TRIM46: variants seen among roughly 807,000 people sequenced by gnomAD.
TRIM46 encodes tripartite motif containing 46.
Under a neutral mutation model 69.7 loss-of-function variants are expected in TRIM46, and 17 were observed. The ratio of observed to expected loss-of-function variants is 0.24; its 90% CI spans 0.17 to 0.37. The LOEUF is 0.37. Ranked by LOEUF, TRIM46 falls within the 10% of genes least tolerant of loss-of-function variation. TRIM46 has a pLI of 1.00. For synonymous variants in TRIM46, 391 were observed against 429.0 expected (o/e 0.91, Z 1.09); for missense variants, 675 against 1,025.1 (o/e 0.66, Z 4.66).
In TRIM46 at chr1:155,178,934, C is replaced by T. The variant is rs1278853734; in HGVS notation, c.1285+321C>T. The T allele has an allele frequency of 6.0e-6, 6 of 994,894 alleles. No homozygotes were observed. The African/African-American group carries it at 6.6e-5, about 11-fold the overall frequency. 61.6% of individuals were successfully genotyped at this position (994,894 alleles called of 1,614,324 possible). A position where few individuals can be genotyped will look rare whatever the true frequency, so the allele number is the denominator to read the frequency against. On this transcript the variant is annotated intron_variant, in intron 7 of 9. Transcript: ENST00000334634. The stretch of plus-strand genomic sequence containing the variant: ...CTCCCACGCATCTCAGCCAACCACT[C>T]ATTGCTTCCTTCTCTTTCCTGCCTT...
chr1:155,177,115 C>T, intron 4 of TRIM46, 40 bp downstream of exon 4: 3 of 1,613,896 alleles, frequency 1.9e-6, no homozygotes, highest in Non-Finnish European at 2.5e-6. Flanking sequence ...CTAACTCACA[C>T]TCTTACCCTC....
chr1:155,183,192 G>C (rs1666312727), intron 9 of TRIM46, among the ~76,000 whole-genome samples: 1 of 151,798 alleles, frequency 6.6e-6, no homozygotes, highest in East Asian at 1.9e-4. Flanking sequence ...TTACAGGCGT[G>C]AGCCACTGTG....
In TRIM46 at chr1:155,176,136, A is replaced by G; in HGVS notation, c.574A>G (p.Thr192Ala). 1 of 1,613,948 alleles carries G rather than the reference A, an allele frequency of 6.2e-7. No individual in the cohort carries two copies. The highest frequency in any genetic ancestry group is 8.5e-7 in the Non-Finnish European group (1 of 1,179,972). The change falls in exon 3 of 10, where the codon ACC (threonine) becomes GCC (alanine). Residue 192 changes from threonine to alanine, a missense_variant. Thr to Ala is a moderately conservative substitution (Grantham distance 58, BLOSUM62 0). Transcript: ENST00000334634. ...CAAGGGCTGCACAGAGTGCCGCGCCACCTTCTGCAATGAGTGCTTCAAGCT... is the reference window on the plus strand; with the variant it reads ...CAAGGGCTGCACAGAGTGCCGCGCCGCCTTCTGCAATGAGTGCTTCAAGCT... ...ATKGCTECRA[T>A]FCNECFKLFH...
chr1:155,184,269 C>T lies in TRIM46; in HGVS notation c.*79C>T, dbSNP rs867388227. The T allele has an allele frequency of 1.4e-6, 2 of 1,417,892 alleles. No homozygotes were observed. The highest frequency in any genetic ancestry group is 2.9e-5 in the South Asian group (2 of 68,186). The allele number at this position is 1,417,892 out of a possible 1,614,324, so 87.8% of individuals were successfully genotyped here. Reference sequence around the variant, plus strand: ...ACCTCTTGGCACCCGGTTGTTACCCCCTGGCAGCTTCTCCCCCAAACTCTC... The same window carrying T: ...ACCTCTTGGCACCCGGTTGTTACCCTCTGGCAGCTTCTCCCCCAAACTCTC... On this transcript the variant is annotated 3_prime_UTR_variant, in exon 10 of 10. Coordinates refer to ENST00000334634, the MANE Select transcript of TRIM46 (RefSeq NM_025058.5). This position sits in a 1 kb window ranked among gnomAD's most constrained non-coding sequence, Gnocchi z 5.6.
rs761749766 is a variant in TRIM46 at position 155,184,185 on chromosome 1, G to A, written c.2275G>A (p.Asp759Asn). Residue 759 changes from aspartate (D) to asparagine (N), a missense_variant, in exon 10 of 10, where the codon GAC becomes AAC. By Grantham distance (23) the Asp-to-Asn change is conservative (BLOSUM62 1). Transcript: ENST00000334634. This position sits in a 1 kb window ranked among gnomAD's most constrained non-coding sequence, Gnocchi z 5.6. ...KVTIGGFAKL[D>N] ...CACCATTGGGGGCTTCGCCAAGCTG[G>A]ACTGAGCCTTCCAGGCCCCTCATGC... The A allele has an allele frequency of 1.2e-6, 2 of 1,604,412 alleles. No homozygotes were observed. The highest frequency in any genetic ancestry group is 2.2e-5 in the South Asian group (2 of 90,016).
At chr1:155,183,670 T>C in intron 9 of TRIM46, 127 bp from the exon 10 acceptor site, 1 of 1,310,112 alleles carries the variant, frequency 7.6e-7, no homozygotes, top group Non-Finnish European at 1.0e-6. Flanking sequence ...CGTTTTCTTC[T>C]CAACACCCAA....
chr1:155,178,764 C>T (rs779217295), intron 7 of TRIM46, 151 bp downstream of exon 7: 12 of 1,517,064 alleles, frequency 7.9e-6, no homozygotes, highest in African/African-American at 2.8e-5. Flanking sequence ...CCTGCCACAC[C>T]GTCCTACCGC....
chr1:155,176,447 C>T (rs750515230), intron 3 of TRIM46, among the ~76,000 whole-genome samples: 1 of 152,172 alleles, frequency 6.6e-6, no homozygotes, highest in Non-Finnish European at 1.5e-5. Context: ...TAGTATCTGC[C>T]CTGCAATGTC....
At position 155,181,587 on chromosome 1, in the gene TRIM46, G is replaced by A. The variant is rs1415926336; in HGVS notation, c.1589-265G>A. On this transcript the variant is annotated intron_variant, in intron 8 of 9. Transcript: ENST00000334634. The surrounding 1 kb of genome is among the most constrained non-coding windows in gnomAD (Gnocchi z 4.3). ...TAAGGGGTTCGAGGGAGCCCCATGA[G>A]TCAGCCAGGTCCGGAGCACTGACTT... Among the ~76,000 whole-genome samples the A allele has an allele frequency of 6.6e-6, 1 of 152,186 alleles. No individual in the cohort carries two copies. The highest frequency in any genetic ancestry group is 1.5e-5 in the Non-Finnish European group (1 of 68,030).
At chr1:155,174,855 G>C (rs375825341) in intron 1 of TRIM46, 58 of 1,415,268 alleles carry the variant, frequency 4.1e-5, no homozygotes, top group Non-Finnish European at 5.3e-5. Context: ...CGATGGGGAA[G>C]TGAAGGATGG....
In TRIM46 at chr1:155,178,048, G is replaced by A. The variant is rs756895613; in HGVS notation, c.956G>A (p.Gly319Glu). The change falls in exon 6 of 10, where the codon GGG becomes GAG. Residue 319 changes from glycine (G) to glutamate (E), a missense_variant. Physicochemically the swap from Gly to Glu is moderately conservative, Grantham distance 98. This residue lies in a region of TRIM46 where 361 missense variants were observed against 498.3 expected (regional missense o/e 0.72). Transcript: ENST00000334634. ...AKEEVSQLVR[G>E]LGAVLEEKRA... is the part of the protein sequence containing the mutation. ...GAGGAGGTGTCGCAGCTGGTGCGGG[G>A]GCTGGGGGCTGTGCTGGAGGAGAAG... 8 of 1,613,680 alleles carry A rather than the reference G, an allele frequency of 5.0e-6. No individual in the cohort carries two copies. The highest frequency in any genetic ancestry group is 8.5e-7 in the Non-Finnish European group (1 of 1,180,006).
At chr1:155,178,727 G>T (rs1336871151) in intron 7 of TRIM46, 114 bp downstream of exon 7, 4 of 1,528,418 alleles carry the variant, frequency 2.6e-6, no homozygotes, top group Non-Finnish European at 3.5e-6. Flanking sequence ...GCCCGGCCTG[G>T]CCAGCCATTC....
Position 155,182,114 on chromosome 1 carries a change from A to G in TRIM46, c.1851A>G (p.Glu617=). ...TCGGGCTGGAGAGCAAGCTTCAAGA[A>G]AGTTTCCAGGGTGCCCCCGATGTGA... The part of the protein sequence containing the change: ...VGVGLESKLQ[E]SFQGAPDVIS... Residue 617 remains glutamate (E), a synonymous_variant, in exon 9 of 10, where the codon GAA becomes GAG. Coordinates refer to ENST00000334634, the MANE Select transcript of TRIM46 (RefSeq NM_025058.5). 1 of 1,613,986 alleles carries G rather than the reference A, an allele frequency of 6.2e-7. No individual in the cohort carries two copies. Among genetic ancestry groups the G allele is most frequent in the Non-Finnish European group, 8.5e-7 (1 of 1,179,966 alleles).
chr1:155,180,590 G>A (rs1187405830), intron 8 of TRIM46: 3 of 226,974 alleles, frequency 1.3e-5, no homozygotes, highest in Non-Finnish European at 2.5e-5. Context: ...GCAAGACTCC[G>A]ACGTCTCGGA....
In TRIM46 at chr1:155,184,181, G is replaced by A. The variant is rs776344784; in HGVS notation, c.2271G>A (p.Lys757=). The change falls in exon 10 of 10, where the codon AAG becomes AAA. Residue 757 remains lysine, a synonymous_variant. Coordinates refer to ENST00000334634, the MANE Select transcript of TRIM46 (RefSeq NM_025058.5). This position sits in a 1 kb window ranked among gnomAD's most constrained non-coding sequence, Gnocchi z 5.6. Reference sequence around the variant, plus strand: ...AAGTCACCATTGGGGGCTTCGCCAAGCTGGACTGAGCCTTCCAGGCCCCTC... The same window carrying A: ...AAGTCACCATTGGGGGCTTCGCCAAACTGGACTGAGCCTTCCAGGCCCCTC... ...ERKVTIGGFA[K]LD 6.2e-7 allele frequency: 1 copy of A among 1,604,930 alleles called. No individual in the cohort carries two copies. Among genetic ancestry groups the A allele is most frequent in the East Asian group, 2.2e-5 (1 of 44,744 alleles).
chr1:155,174,480 G>A, intron 1 of TRIM46: 1 of 1,424,282 alleles, frequency 7.0e-7, no homozygotes, highest in South Asian at 1.4e-5. Context: ...CCCACTCAGG[G>A]CTGCTTCCGA....
intron 3 of TRIM46, 21 bp from the exon 4 acceptor site, chr1:155,176,911 C>T: frequency 6.2e-7 from 1 of 1,610,306 alleles, no homozygotes; most frequent in Admixed American, 1.7e-5. Flanking sequence ...CTGACCATCA[C>T]ATTGTTCTTT....
rs2147800191 is a variant in TRIM46, at chr1:155,183,864, G to A, written c.1954G>A (p.Ala652Thr). 1.2e-6 allele frequency: 2 copies of A among 1,612,576 alleles called. No homozygotes were observed. The highest frequency in any genetic ancestry group is 1.7e-6 in the Non-Finnish European group (2 of 1,180,020). The change falls in exon 10 of 10, where the codon GCT (alanine) becomes ACT (threonine). Residue 652 changes from alanine to threonine, a missense_variant. This residue lies in a region of TRIM46 where 108 missense variants were observed against 153.0 expected (regional missense o/e 0.71). Transcript: ENST00000334634. ...CACAGTGGAGGCGTCGCCACCCTTC[G>A]CTTTCCTAACCATTGGCATGGGCAA... The part of the protein sequence containing the change: ...DATVEASPPF[A>T]FLTIGMGKIL...
Position 155,179,702 on chromosome 1 carries a change from GC to G in TRIM46, c.1363del (p.His455IlefsTer32). Reference protein sequence around the residue: ...YDQIFLCWRLPPHSPPAWHYT... With the variant: ...YDQIFLCWRLXPHSPPAWHYT... ...ATCAGATCTTCCTGTGCTGGCGGCTGCCCCCCCATTCACCACCTGCCTGGCA... is the reference window on the plus strand; with the variant it reads ...ATCAGATCTTCCTGTGCTGGCGGCTGCCCCCCATTCACCACCTGCCTGGCA... On this transcript the variant is annotated frameshift_variant, in exon 8 of 10. Coordinates refer to ENST00000334634, the MANE Select transcript of TRIM46 (RefSeq NM_025058.5). LOFTEE classifies it high-confidence loss of function. 3.1e-6 allele frequency: 5 copies of G among 1,613,214 alleles called. No homozygotes were observed. The highest frequency in any genetic ancestry group is 8.5e-7 in the Non-Finnish European group (1 of 1,179,924).
Sources: allele counts gnomAD v4.1 joint callset (sites outside exome capture counted in the v4.1 genomes callset), GRCh38; gene constraint gnomAD v4.1.1; regional missense constraint gnomAD v4.1.1; non-coding constraint Gnocchi (gnomAD v3.1); transcripts MANE v1.5; gene names NCBI Gene and HGNC (gene_info 2026-07-23, HGNC 2026-07-21).